PTPRD: variants seen among roughly 807,000 people sequenced by gnomAD.
The protein encoded by PTPRD is protein tyrosine phosphatase receptor type D.
A neutral mutation model predicts 214.5 loss-of-function variants in PTPRD; 34 were observed. That is an observed-to-expected ratio of 0.16 (90% CI 0.12 to 0.21). The LOEUF (loss-of-function observed/expected upper bound fraction) is 0.21, where lower values mean the gene tolerates loss of function less well. Ranked by LOEUF, PTPRD falls within the 10% of genes least tolerant of loss-of-function variation. The pLI, the probability that PTPRD is intolerant of heterozygous loss-of-function variation, is 1.00. For missense variants in PTPRD, 2,545 were observed against 2,398.7 expected, an observed-to-expected ratio of 1.06 and a Z score of -1.27; for synonymous variants, 1,128 against 845.7, an observed-to-expected ratio of 1.33 and a Z score of -5.79.
chr9:8,700,801 T>C (rs1316956836), intron 12 of PTPRD: 1 of 152,230 alleles, frequency 6.6e-6, no homozygotes, highest in African/African-American at 2.4e-5. Context: ...GTAATATTCA[T>C]TCAAGGTGTC....
At chr9:10,045,936 C>T (rs570882931) in intron 3 of PTPRD, among the ~76,000 whole-genome samples, 56 of 151,696 alleles carry the variant, frequency 3.7e-4, no homozygotes, top group African/African-American at 1.3e-3. Context: ...TGGGGAAAAT[C>T]GTCAATTAAA....
At chr9:9,145,761 A>G (rs1441474442) in intron 10 of PTPRD, among the ~76,000 whole-genome samples, 2 of 152,308 alleles carry the variant, frequency 1.3e-5, no homozygotes, top group Non-Finnish European at 2.9e-5. Flanking sequence ...TTGGTCAGAG[A>G]TTGGGACTAT....
At chr9:9,133,180 G>A (rs1029632350) in intron 10 of PTPRD, among the ~76,000 whole-genome samples, 1 of 152,088 alleles carries the variant, frequency 6.6e-6, no homozygotes, top group Non-Finnish European at 1.5e-5. Flanking sequence ...AGATTCCAGG[G>A]CCTATCCTAA....
intron 3 of PTPRD, among the ~76,000 whole-genome samples, chr9:10,210,827 G>A (rs7022043): frequency 0.55 from 37,617 of 68,930 alleles, 8,990 homozygotes; most frequent in Admixed American, 0.59. Flanking sequence ...ATATATGTAT[G>A]TATGTATGTA....
chr9:8,761,024 T>C (rs1183934699), intron 11 of PTPRD, among the ~76,000 whole-genome samples: 1 of 152,202 alleles, frequency 6.6e-6, no homozygotes, highest in African/African-American at 2.4e-5. Flanking sequence ...GTTTATAATT[T>C]GGGGCAAGAA....
chr9:8,981,875 T>C (rs2099314489), intron 11 of PTPRD, among the ~76,000 whole-genome samples: 1 of 152,068 alleles, frequency 6.6e-6, no homozygotes, highest in South Asian at 2.1e-4. Flanking sequence ...AATGGCAAAA[T>C]AATGTTAAAA....
intron 11 of PTPRD, among the ~76,000 whole-genome samples, chr9:8,939,754 G>T (rs1022141486): frequency 3.9e-5 from 6 of 152,038 alleles, no homozygotes; most frequent in African/African-American, 1.4e-4. Context: ...TAAACTATTT[G>T]AACAGGTTAA....
At chr9:8,865,076 G>A (rs2098172112) in intron 11 of PTPRD, among the ~76,000 whole-genome samples, 2 of 152,204 alleles carry the variant, frequency 1.3e-5, no homozygotes, top group South Asian at 4.1e-4. Flanking sequence ...CATCTAGCAT[G>A]TAGCCTACAT....
chr9:9,552,687 T>G (rs1002121247), intron 8 of PTPRD, among the ~76,000 whole-genome samples: 2 of 152,090 alleles, frequency 1.3e-5, no homozygotes, highest in African/African-American at 2.4e-5. Context: ...AAGACTAGAT[T>G]CCTCGGTTCA....
At chr9:9,557,584 C>T (rs1055183498) in intron 8 of PTPRD, among the ~76,000 whole-genome samples, 1 of 152,184 alleles carries the variant, frequency 6.6e-6, no homozygotes, top group African/African-American at 2.4e-5. Context: ...CTTTTTAGAT[C>T]TGAAAAGAGA....
intron 9 of PTPRD, among the ~76,000 whole-genome samples, chr9:9,356,908 G>T (rs899448090): frequency 6.6e-6 from 1 of 151,364 alleles, no homozygotes; most frequent in African/African-American, 2.4e-5. Flanking sequence ...TACCAGTGAG[G>T]CAGCAGAATT....
intron 5 of PTPRD, among the ~76,000 whole-genome samples, chr9:9,831,578 T>C (rs899572672): frequency 2.6e-5 from 4 of 151,900 alleles, no homozygotes; most frequent in African/African-American, 9.7e-5. Flanking sequence ...CCTGTAGGAG[T>C]TGACTTGCAA....
rs1329378937 is a variant in PTPRD at position 10,599,368 on chromosome 9, T to A, written c.-600+13030A>T. On this transcript the variant is annotated intron_variant, in intron 2 of 45. Transcript: ENST00000381196. The stretch of plus-strand genomic sequence containing the variant: ...ATACTTGTTTGGGAAGTCTTATGGT[T>A]ACAGTAGCTTAGTCTTTAACTTATA... Among the ~76,000 whole-genome samples the A allele has an allele frequency of 4.0e-5, 6 of 151,846 alleles. No homozygotes were observed. In the East Asian group the frequency reaches 1.2e-3, roughly 29 times the overall value.
chr9:9,911,863 C>G (rs1363283225), intron 5 of PTPRD, among the ~76,000 whole-genome samples: 1 of 151,854 alleles, frequency 6.6e-6, no homozygotes, highest in Non-Finnish European at 1.5e-5. Context: ...ATTTGGAAAA[C>G]TAAATCTTCA....
chr9:9,934,268 C>CA (rs1264214630), intron 5 of PTPRD, among the ~76,000 whole-genome samples: 20 of 149,790 alleles, frequency 1.3e-4, no homozygotes, highest in East Asian at 1.2e-3. Context: ...AAAAACCCTT[C>CA]AAAAAAATCA....
At chr9:9,512,073 C>G (rs1341160152) in intron 8 of PTPRD, among the ~76,000 whole-genome samples, 1 of 151,706 alleles carries the variant, frequency 6.6e-6, no homozygotes, top group East Asian at 1.9e-4. Context: ...TCTATGGAGC[C>G]AGAGATATGT....
intron 11 of PTPRD, among the ~76,000 whole-genome samples, chr9:8,891,009 GT>G (rs1414374578): frequency 6.6e-6 from 1 of 152,094 alleles, no homozygotes; most frequent in African/African-American, 2.4e-5. Flanking sequence ...AAGTCATGGG[GT>G]TTTTGAAGTG....
rs139478736 is a variant in PTPRD at position 8,566,100 on chromosome 9, ATG to A, written c.353-37323_353-37322del. Among the ~76,000 whole-genome samples the A allele has an allele frequency of 4.9e-3, 669 of 137,908 alleles. 4 individuals are homozygous for A. Among genetic ancestry groups the A allele is most frequent in the African/African-American group, 0.015 (565 of 36,666 alleles). The allele number at this position is 137,908 out of a possible 152,430, so 90.5% of individuals were successfully genotyped here. A position where few individuals can be genotyped will look rare whatever the true frequency, so the allele number is the denominator to read the frequency against. ...AAAAGATATATACTGAATGCAAAATATGTGTGTGTGTGTGTGTGTGTGTGTGT... is the reference window on the plus strand; with the variant it reads ...AAAAGATATATACTGAATGCAAAATATGTGTGTGTGTGTGTGTGTGTGTGT... On this transcript the variant is annotated intron_variant, in intron 14 of 45. Coordinates refer to ENST00000381196, the MANE Select transcript of PTPRD (RefSeq NM_002839.4).
intron 3 of PTPRD, among the ~76,000 whole-genome samples, chr9:10,093,828 T>C (rs1427509805): frequency 1.3e-5 from 2 of 151,418 alleles, no homozygotes; most frequent in East Asian, 1.9e-4. Flanking sequence ...AGCAAATTAA[T>C]GCAGCAACAG....
Sources: allele counts gnomAD v4.1 joint callset (sites outside exome capture counted in the v4.1 genomes callset), GRCh38; gene constraint gnomAD v4.1.1; transcripts MANE v1.5; gene names NCBI Gene and HGNC (gene_info 2026-07-23, HGNC 2026-07-21).